The following SAMD12 variants were observed in gnomAD, a reference collection of about 807,000 sequenced individuals.
The protein encoded by SAMD12 is sterile alpha motif domain-containing protein 12.
Under a neutral mutation model 15.0 loss-of-function variants are expected in SAMD12, and 9 were observed. That is an observed-to-expected ratio of 0.60 (90% CI 0.36 to 1.05). SAMD12 has a LOEUF of 1.05. SAMD12 is among the 50% of genes least tolerant of loss of function. The pLI, the probability that SAMD12 is intolerant of heterozygous loss-of-function variation, is 0.01. For synonymous variants in SAMD12, 86 were observed against 90.1 expected, an observed-to-expected ratio of 0.96 and a Z score of 0.25; for missense variants, 230 against 234.2, an observed-to-expected ratio of 0.98 and a Z score of 0.12.
intron 4 of SAMD12, among the ~76,000 whole-genome samples, chr8:118,239,124 G>GTGA (rs375685496): frequency 3.3e-5 from 5 of 152,152 alleles, no homozygotes; most frequent in East Asian, 3.9e-4. Context: ...GATGGTAGTG[G>GTGA]TGATGATGAT....
At chr8:118,284,472 C>T (rs1813824909) in intron 4 of SAMD12, 1 of 409,218 alleles carries the variant, frequency 2.4e-6, no homozygotes, top group African/African-American at 2.1e-5. Flanking sequence ...AATCTTCATA[C>T]ACAAAGAATC....
chr8:118,505,062 A>C (rs1434984513), intron 2 of SAMD12, among the ~76,000 whole-genome samples: 2 of 152,222 alleles, frequency 1.3e-5, no homozygotes, highest in East Asian at 1.9e-4. Flanking sequence ...TAAGCTACCC[A>C]ATTTGTGATA....
chr8:118,390,859 T>G (rs1462105521), intron 3 of SAMD12, among the ~76,000 whole-genome samples: 2 of 152,194 alleles, frequency 1.3e-5, no homozygotes, highest in Non-Finnish European at 2.9e-5. Flanking sequence ...TATTGATTTT[T>G]TTTTACCTGT....
rs775137190 is a variant in SAMD12, at chr8:118,432,098, TG to T, written c.322+7733del. On this transcript the variant is annotated intron_variant, in intron 3 of 3. Coordinates refer to ENST00000314727, the MANE Select transcript of SAMD12 (RefSeq NM_207506.3). ...TTTATTTCTAGTATTTTCTTTTGAT[TG>T]TTTATTAGTTCCACTTCTCTGTTAC... Among the ~76,000 whole-genome samples, 8 of 152,312 alleles carry T rather than the reference TG, an allele frequency of 5.3e-5. No individual in the cohort carries two copies. The East Asian group carries it at 9.6e-4, about 18-fold the overall frequency.
chr8:118,179,201 G>T, the SAMD12 span, among the ~76,000 whole-genome samples: 1 of 152,164 alleles, frequency 6.6e-6, no homozygotes, highest in Non-Finnish European at 1.5e-5. Flanking sequence ...CAGTAGGGAG[G>T]CTGAGGCAGG....
chr8:118,250,771 C>A (rs1419127066), intron 4 of SAMD12, among the ~76,000 whole-genome samples: 1 of 152,004 alleles, frequency 6.6e-6, no homozygotes, highest in Non-Finnish European at 1.5e-5. Flanking sequence ...TCCCAAAGTG[C>A]TGGGATTACA....
chr8:118,495,577 CTTTAA>C (rs935823067), intron 2 of SAMD12, among the ~76,000 whole-genome samples: 3 of 143,468 alleles, frequency 2.1e-5, no homozygotes, highest in South Asian at 2.2e-4. Flanking sequence ...TACCTTATCT[CTTTAA>C]TTTGTCTAAT....
intron 4 of SAMD12, chr8:118,285,002 A>G (rs1813892793): frequency 1.3e-5 from 2 of 151,626 alleles, no homozygotes; most frequent in South Asian, 2.1e-4. Context: ...CTGTTGTTGG[A>G]AACTATATGG....
chr8:118,165,618 A>ACACATATATACATATATATGTG, the SAMD12 span, among the ~76,000 whole-genome samples: 1 of 63,638 alleles, frequency 1.6e-5, no homozygotes, highest in Non-Finnish European at 3.5e-5. Flanking sequence ...ATATATGTAT[A>ACACATATATACATATATATGTG]TATATATATA....
chr8:118,482,226 T>C (rs572427352), intron 2 of SAMD12, among the ~76,000 whole-genome samples: 3 of 152,352 alleles, frequency 2.0e-5, no homozygotes, highest in African/African-American at 7.2e-5. Flanking sequence ...ACCCTTGATA[T>C]AAGATGACAC....
chr8:118,466,645 G>A lies in SAMD12; in HGVS notation c.193-26684C>T, dbSNP rs551932158. Reference sequence around the variant, plus strand: ...CTTTTTCAGGTATCTTTACAAAATGGCTGACATCTATTTAAGCAGGTCTGT... The same window carrying A: ...CTTTTTCAGGTATCTTTACAAAATGACTGACATCTATTTAAGCAGGTCTGT... On this transcript the variant is annotated intron_variant, in intron 2 of 3. Coordinates refer to ENST00000314727, the MANE Select transcript of SAMD12 (RefSeq NM_207506.3). Among the ~76,000 whole-genome samples the A allele has an allele frequency of 3.9e-5, 6 of 152,174 alleles. No homozygotes were observed. In the South Asian group the frequency reaches 1.2e-3, roughly 32 times the overall value.
At chr8:118,516,875 G>A (rs1586780655) in intron 2 of SAMD12, among the ~76,000 whole-genome samples, 3 of 152,118 alleles carry the variant, frequency 2.0e-5, no homozygotes, top group South Asian at 4.1e-4. Flanking sequence ...CTGAGCTTAG[G>A]CAATCCACCC....
At chr8:118,479,055 T>A (rs970264052) in intron 2 of SAMD12, among the ~76,000 whole-genome samples, 1 of 147,852 alleles carries the variant, frequency 6.8e-6, no homozygotes. Context: ...AAACTCGGCA[T>A]TGGCTCCCCA....
chr8:118,282,437 C>G, intron 4 of SAMD12: 1 of 443,744 alleles, frequency 2.3e-6, no homozygotes, highest in South Asian at 1.6e-5. Flanking sequence ...GGAAGGGTAA[C>G]TTCTGTGTAA....
At chr8:118,175,244 A>T in the SAMD12 span, among the ~76,000 whole-genome samples, 3 of 152,032 alleles carry the variant, frequency 2.0e-5, no homozygotes, top group Non-Finnish European at 4.4e-5. Context: ...TAGGGAAAGG[A>T]CTCCCTATTT....
intron 4 of SAMD12, among the ~76,000 whole-genome samples, chr8:118,360,628 G>A (rs931912676): frequency 6.6e-6 from 1 of 152,288 alleles, no homozygotes; most frequent in South Asian, 2.1e-4. Context: ...TGTATACAAG[G>A]GACCTCGAAG....
intron 2 of SAMD12, among the ~76,000 whole-genome samples, chr8:118,499,367 C>T (rs1824713725): frequency 6.6e-6 from 1 of 152,138 alleles, no homozygotes; most frequent in Non-Finnish European, 1.5e-5. Flanking sequence ...CTAATGATTA[C>T]AACAGTGACT....
chr8:118,384,979 T>C (rs1176149875), intron 3 of SAMD12, among the ~76,000 whole-genome samples: 1 of 152,028 alleles, frequency 6.6e-6, no homozygotes, highest in Non-Finnish European at 1.5e-5. Context: ...GGCCAGGGAA[T>C]ATTCAGTGAG....
chr8:118,568,738 G>A (rs1339355081), intron 2 of SAMD12, among the ~76,000 whole-genome samples: 2 of 152,154 alleles, frequency 1.3e-5, no homozygotes, highest in African/African-American at 2.4e-5. Context: ...TATTATTGGA[G>A]AGGAGGAAAG....
Sources: allele counts gnomAD v4.1 joint callset (sites outside exome capture counted in the v4.1 genomes callset), GRCh38; gene constraint gnomAD v4.1.1; transcripts MANE v1.5; gene names NCBI Gene and HGNC (gene_info 2026-07-23, HGNC 2026-07-21).